DGKB: variants seen among roughly 807,000 people sequenced by gnomAD.
DGKB encodes the protein diacylglycerol kinase beta.
DGKB carries 67 observed loss-of-function variants against 114.3 expected under a neutral mutation model. That is an observed-to-expected ratio of 0.59 (90% CI 0.48 to 0.72). DGKB has a LOEUF of 0.72. DGKB is among the 30% of genes least tolerant of loss of function. The pLI is 0.00. For missense variants in DGKB, 907 were observed against 975.2 expected, an observed-to-expected ratio of 0.93 and a Z score of 0.93; for synonymous variants, 398 against 323.1, an observed-to-expected ratio of 1.23 and a Z score of -2.49.
At position 14,404,901 on chromosome 7, in the gene DGKB, G is replaced by A. The variant is rs62444612; in HGVS notation, c.1836-59510C>T. On this transcript the variant is annotated intron_variant, in intron 21 of 25. Transcript: ENST00000402815. ...CTCACCTCAGCCATTAAACACTAATGAAACCCAAGCTTCAGACCAGTGCTG... is the reference window on the plus strand; with the variant it reads ...CTCACCTCAGCCATTAAACACTAATAAAACCCAAGCTTCAGACCAGTGCTG... Among the ~76,000 whole-genome samples the A allele has an allele frequency of 6.6e-3, 1,006 of 151,764 alleles. 5 individuals are homozygous for A. Among genetic ancestry groups the A allele is most frequent in the Middle Eastern group, 0.017 (5 of 294 alleles).
chr7:14,908,395 C>T (rs1008765756), intron 1 of DGKB, among the ~76,000 whole-genome samples: 1 of 152,086 alleles, frequency 6.6e-6, no homozygotes, highest in Admixed American at 6.6e-5. Context: ...ACAGAAGGCA[C>T]TGAAAAGATT....
intron 16 of DGKB, among the ~76,000 whole-genome samples, chr7:14,609,850 T>C (rs1805196771): frequency 6.6e-6 from 1 of 152,028 alleles, no homozygotes; most frequent in African/African-American, 2.4e-5. Flanking sequence ...AGAATGGCTA[T>C]TATTAAAAAG....
chr7:14,863,504 G>C (rs1851277731), intron 1 of DGKB, among the ~76,000 whole-genome samples: 1 of 151,548 alleles, frequency 6.6e-6, no homozygotes, highest in South Asian at 2.1e-4. Context: ...TTTAATATAG[G>C]AGAAAGTAGA....
At chr7:14,732,341 T>C (rs1445191520) in intron 5 of DGKB, among the ~76,000 whole-genome samples, 1 of 152,098 alleles carries the variant, frequency 6.6e-6, no homozygotes, top group Non-Finnish European at 1.5e-5. Flanking sequence ...CCAAACCAGA[T>C]TGTAGCCCCT....
intron 23 of DGKB, among the ~76,000 whole-genome samples, chr7:14,265,442 C>T (rs745596634): frequency 3.5e-5 from 5 of 143,492 alleles, no homozygotes; most frequent in Non-Finnish European, 4.5e-5. Context: ...CACATTTCCC[C>T]CTAATCCTGT....
chr7:14,963,719 C>T (rs532027453), intron 1 of DGKB, among the ~76,000 whole-genome samples: 22 of 152,140 alleles, frequency 1.4e-4, no homozygotes, highest in East Asian at 1.2e-3. Context: ...TTTGTTGTAG[C>T]GCTCCTGGTT....
chr7:14,419,659 G>C (rs1383712931), intron 21 of DGKB, among the ~76,000 whole-genome samples: 1 of 151,272 alleles, frequency 6.6e-6, no homozygotes, highest in Non-Finnish European at 1.5e-5. Context: ...GGAACTGATA[G>C]TGTTCCAGGA....
chr7:14,668,812 C>T (rs1483640305), intron 13 of DGKB, among the ~76,000 whole-genome samples: 1 of 152,072 alleles, frequency 6.6e-6, no homozygotes, highest in African/African-American at 2.4e-5. Flanking sequence ...TACTCCTTTG[C>T]ATATATTCTC....
At chr7:14,644,780 A>G (rs1328553345) in intron 13 of DGKB, among the ~76,000 whole-genome samples, 1 of 152,222 alleles carries the variant, frequency 6.6e-6, no homozygotes, top group Non-Finnish European at 1.5e-5. Flanking sequence ...ATGGAAACCT[A>G]TTGAATAAAA....
intron 21 of DGKB, among the ~76,000 whole-genome samples, chr7:14,360,240 A>G (rs891820041): frequency 6.6e-6 from 1 of 151,844 alleles, no homozygotes; most frequent in Non-Finnish European, 1.5e-5. Context: ...ACATGTTCTC[A>G]CTCACAGGTG....
At chr7:14,595,103 A>G (rs1189294347) in intron 17 of DGKB, among the ~76,000 whole-genome samples, 1 of 152,058 alleles carries the variant, frequency 6.6e-6, no homozygotes, top group Non-Finnish European at 1.5e-5. Flanking sequence ...ATAAACTTGG[A>G]GACATATGAG....
chr7:14,157,253 A>G (rs562970687), intron 25 of DGKB, among the ~76,000 whole-genome samples: 1 of 152,024 alleles, frequency 6.6e-6, no homozygotes, highest in African/African-American at 2.4e-5. Context: ...ACCATTTTGA[A>G]TTCATGTGTG....
At chr7:14,933,335 T>G (rs1331726098) in intron 1 of DGKB, among the ~76,000 whole-genome samples, 2 of 152,210 alleles carry the variant, frequency 1.3e-5, no homozygotes, top group Non-Finnish European at 2.9e-5. Context: ...TCTCTGTAAC[T>G]GCAAATTGGA....
chr7:14,586,172 A>C (rs2128734846), intron 17 of DGKB, among the ~76,000 whole-genome samples: 1 of 152,250 alleles, frequency 6.6e-6, no homozygotes, highest in Admixed American at 6.6e-5. Flanking sequence ...AAGCTGTAAA[A>C]GCGAAGGCAA....
intron 1 of DGKB, among the ~76,000 whole-genome samples, chr7:14,973,337 T>C (rs1331399967): frequency 1.3e-5 from 2 of 151,994 alleles, no homozygotes; most frequent in East Asian, 3.9e-4. Flanking sequence ...GTGTATATTA[T>C]AGCCACAGTC....
chr7:14,674,132 C>A (rs1369987697), intron 12 of DGKB, among the ~76,000 whole-genome samples: 1 of 151,708 alleles, frequency 6.6e-6, no homozygotes, highest in Non-Finnish European at 1.5e-5. Flanking sequence ...CATGCTAACT[C>A]CCTGCATTGG....
intron 23 of DGKB, among the ~76,000 whole-genome samples, chr7:14,332,627 T>A (rs1244651053): frequency 6.6e-6 from 1 of 152,158 alleles, no homozygotes; most frequent in African/African-American, 2.4e-5. Context: ...ACATTATAAA[T>A]GATAGTAAAA....
rs530463573 is a variant in DGKB at position 14,790,063 on chromosome 7, G to A, written c.71-32332C>T. On this transcript the variant is annotated intron_variant, in intron 2 of 25. Transcript: ENST00000402815. ...GTAATGATGTTTAATAGCTTTCCATGTGCTTATTTACCATCTGAATATTCT... is the reference window on the plus strand; with the variant it reads ...GTAATGATGTTTAATAGCTTTCCATATGCTTATTTACCATCTGAATATTCT... Among the ~76,000 whole-genome samples, 17 of 152,216 alleles carry A rather than the reference G, an allele frequency of 1.1e-4. 1 individual carries two copies. The South Asian group carries it at 3.5e-3, about 32-fold the overall frequency.
chr7:14,271,354 T>C (rs987772526), intron 23 of DGKB, among the ~76,000 whole-genome samples: 8 of 151,998 alleles, frequency 5.3e-5, no homozygotes, highest in African/African-American at 1.4e-4. Context: ...CTTAAAAATA[T>C]GAGATGATTA....
Sources: gnomAD v4.1 joint callset for allele counts (sites outside exome capture counted in the v4.1 genomes callset) on GRCh38, gnomAD v4.1.1 for gene constraint, MANE v1.5 for transcripts, NCBI Gene and HGNC (gene_info 2026-07-23, HGNC 2026-07-21) for gene names.